ANKMY1: variants seen among roughly 807,000 people sequenced by gnomAD.
ANKMY1 encodes ankyrin repeat and MYND domain-containing protein 1.
A neutral mutation model predicts 102.0 loss-of-function variants in ANKMY1; 98 were observed. The observed-to-expected ratio is 0.96, with a 90% CI of 0.82 to 1.14. The LOEUF (loss-of-function observed/expected upper bound fraction) is 1.14. Among genes scored for constraint, ANKMY1 ranks in the 50% most tolerant of loss-of-function variants. ANKMY1 has a pLI of 0.00. For synonymous variants in ANKMY1, 582 were observed against 559.9 expected, an observed-to-expected ratio of 1.04 and a Z score of -0.56; for missense variants, 1,330 against 1,347.6, an observed-to-expected ratio of 0.99 and a Z score of 0.20.
chr2:240,494,546 G>A (rs753983441), intron 15 of ANKMY1, among the ~76,000 whole-genome samples: 4 of 152,192 alleles, frequency 2.6e-5, no homozygotes, highest in African/African-American at 4.8e-5. Context: ...GTGACAGCTT[G>A]AGTTTCCATA....
intron 1 of ANKMY1, 82 bp from the exon 2 acceptor site, chr2:240,557,434 C>T: frequency 7.2e-7 from 1 of 1,390,176 alleles, no homozygotes; most frequent in Middle Eastern, 2.0e-4. Flanking sequence ...CGGCCCGCGG[C>T]CCCTGAGCCT....
chr2:240,513,861 C>G (rs937391602), intron 9 of ANKMY1, among the ~76,000 whole-genome samples: 3 of 152,244 alleles, frequency 2.0e-5, no homozygotes, highest in African/African-American at 7.2e-5. Flanking sequence ...CAGAGGCATG[C>G]AGTGAGAGGA....
At position 240,526,270 on chromosome 2, in the gene ANKMY1, C is replaced by T. The variant is rs369145221; in HGVS notation, c.1129G>A (p.Val377Met). 184 of 1,614,042 alleles carry T rather than the reference C, an allele frequency of 1.1e-4. 1 individual carries two copies. Among genetic ancestry groups the T allele is most frequent in the South Asian group, 6.4e-4 (58 of 91,094 alleles). ...ILKDNFASADVADAKGYTVLA... is the reference protein window; with the variant it reads ...ILKDNFASADMADAKGYTVLA... ...ACAGTGTAGCCCTTTGCGTCCGCCA[C>T]GTCAGCACTAGCAAAGTTGTCCTTC... The change falls in exon 6 of 18, where the codon GTG becomes ATG. Residue 377 changes from valine (V) to methionine (M), a missense_variant. Coordinates refer to ENST00000401804, the MANE Select transcript of ANKMY1 (RefSeq NM_001282771.3).
At chr2:240,530,182 A>G (rs1266014478) in intron 4 of ANKMY1, among the ~76,000 whole-genome samples, 1 of 152,202 alleles carries the variant, frequency 6.6e-6, no homozygotes, top group Non-Finnish European at 1.5e-5. Context: ...ACAACCAGTG[A>G]GCGGCCACTG....
intron 3 of ANKMY1, 135 bp downstream of exon 3, chr2:240,554,731 A>G: frequency 9.8e-7 from 1 of 1,023,508 alleles, no homozygotes; most frequent in Non-Finnish European, 1.4e-6. Flanking sequence ...GACATTTCTC[A>G]AGGAGGAAAA....
intron 15 of ANKMY1, among the ~76,000 whole-genome samples, chr2:240,496,919 T>C (rs2077339296): frequency 6.6e-6 from 1 of 152,236 alleles, no homozygotes; most frequent in Non-Finnish European, 1.5e-5. Context: ...TCTTTCCTTA[T>C]TTTTCTCTGG....
intron 4 of ANKMY1, among the ~76,000 whole-genome samples, chr2:240,536,959 A>C (rs2086922842): frequency 6.6e-6 from 1 of 152,208 alleles, no homozygotes; most frequent in African/African-American, 2.4e-5. Flanking sequence ...TCCTGAGCTC[A>C]AGCAATCCTC....
intron 4 of ANKMY1, among the ~76,000 whole-genome samples, chr2:240,549,802 A>C (rs2091172786): frequency 1.3e-5 from 2 of 152,250 alleles, no homozygotes; most frequent in African/African-American, 4.8e-5. Flanking sequence ...AATGCAAATC[A>C]AAACCACAAT....
intron 15 of ANKMY1, among the ~76,000 whole-genome samples, chr2:240,484,035 T>C (rs1227602889): frequency 3.3e-5 from 5 of 152,256 alleles, no homozygotes; most frequent in Non-Finnish European, 7.3e-5. Context: ...TATGGCTGCA[T>C]AGTATTCCAT....
the ANKMY1 span, among the ~76,000 whole-genome samples, chr2:240,469,295 G>A: frequency 6.6e-6 from 1 of 152,190 alleles, no homozygotes; most frequent in Non-Finnish European, 1.5e-5. Context: ...GGGTGGGCAG[G>A]GGCACCCGGC....
intron 4 of ANKMY1, among the ~76,000 whole-genome samples, chr2:240,546,205 T>C (rs1323983520): frequency 2.6e-5 from 4 of 152,080 alleles, no homozygotes; most frequent in Non-Finnish European, 4.4e-5. Flanking sequence ...GGGCCAATAT[T>C]CAACATTCTT....
intron 13 of ANKMY1, among the ~76,000 whole-genome samples, chr2:240,501,219 T>G (rs2078134444): frequency 6.6e-6 from 1 of 152,110 alleles, no homozygotes; most frequent in South Asian, 2.1e-4. Flanking sequence ...CATGCGTGTC[T>G]GTGCATGAGT....
At chr2:240,515,267 T>C (rs2080967878) in intron 9 of ANKMY1, among the ~76,000 whole-genome samples, 1 of 152,224 alleles carries the variant, frequency 6.6e-6, no homozygotes, top group African/African-American at 2.4e-5. Flanking sequence ...CTGGACGCGG[T>C]ATCTCACACC....
At chr2:240,548,340 A>G (rs2090850666) in intron 4 of ANKMY1, among the ~76,000 whole-genome samples, 1 of 152,204 alleles carries the variant, frequency 6.6e-6, no homozygotes, top group Non-Finnish European at 1.5e-5. Context: ...CTCTCAATAA[A>G]TTAGGTATTG....
At chr2:240,550,460 ATATG>A (rs966564037) in intron 4 of ANKMY1, among the ~76,000 whole-genome samples, 12 of 151,972 alleles carry the variant, frequency 7.9e-5, no homozygotes, top group African/African-American at 2.4e-4. Flanking sequence ...ACATGTATAC[ATATG>A]TAACTAACCT....
At position 240,530,648 on chromosome 2, in the gene ANKMY1, T is replaced by C. The variant is rs533990728; in HGVS notation, c.481-1139A>G. ...GTATTTCTTTGCGGCAACGTGAGAATGGCCTAATACACCACCCATGCTACA... is the reference window on the plus strand; with the variant it reads ...GTATTTCTTTGCGGCAACGTGAGAACGGCCTAATACACCACCCATGCTACA... On this transcript the variant is annotated intron_variant, in intron 4 of 17. Transcript: ENST00000401804. 1.4e-4 allele frequency among the ~76,000 whole-genome samples: 21 copies of C among 152,300 alleles called. No homozygotes were observed. The South Asian group carries it at 3.9e-3, about 29-fold the overall frequency.
intron 13 of ANKMY1, among the ~76,000 whole-genome samples, chr2:240,504,318 C>T (rs1292090455): frequency 6.6e-6 from 1 of 152,180 alleles, no homozygotes; most frequent in Non-Finnish European, 1.5e-5. Context: ...TAGAGAAAAG[C>T]ACCAGATTCT....
intron 15 of ANKMY1, among the ~76,000 whole-genome samples, chr2:240,493,333 A>G (rs1194741715): frequency 6.6e-6 from 1 of 152,200 alleles, no homozygotes; most frequent in African/African-American, 2.4e-5. Context: ...TCTCAAAAAA[A>G]AAATTCTTTT....
chr2:240,539,199 T>A (rs115908331), intron 4 of ANKMY1, among the ~76,000 whole-genome samples: 2 of 152,330 alleles, frequency 1.3e-5, no homozygotes, highest in Non-Finnish European at 2.9e-5. Context: ...GGGTCCGCAC[T>A]GCGTTTATGA....
Sources: gnomAD v4.1 joint callset for allele counts (sites outside exome capture counted in the v4.1 genomes callset) on GRCh38, gnomAD v4.1.1 for gene constraint, MANE v1.5 for transcripts, NCBI Gene and HGNC (gene_info 2026-07-23, HGNC 2026-07-21) for gene names.